DIPK1C: variants seen among roughly 807,000 people sequenced by gnomAD.
DIPK1C encodes the protein familial non-conventional Alzheimer's dementia.
Under a neutral mutation model 28.0 loss-of-function variants are expected in DIPK1C, and 33 were observed. The ratio of observed to expected loss-of-function variants is 1.18; its 90% CI spans 0.89 to 1.58. DIPK1C has a LOEUF of 1.58. Ranked by LOEUF, DIPK1C falls within the 40% of genes most tolerant of loss-of-function variation. The pLI, the probability that DIPK1C is intolerant of heterozygous loss-of-function variation, is 0.00. For synonymous variants in DIPK1C, 255 were observed against 248.8 expected, an observed-to-expected ratio of 1.02 and a Z score of -0.23; for missense variants, 569 against 568.5, an observed-to-expected ratio of 1.00 and a Z score of -0.01.
chr18:74,436,242 T>C lies in DIPK1C; in HGVS notation c.*259A>G, dbSNP rs1985987544. ...AATAAGTGCACACAGGTTGGTGTCTTCTGACCGAGAGCCCTCCTGAAGGGA... is the reference window on the plus strand; with the variant it reads ...AATAAGTGCACACAGGTTGGTGTCTCCTGACCGAGAGCCCTCCTGAAGGGA... On this transcript the variant is annotated 3_prime_UTR_variant, in exon 4 of 4. Coordinates refer to ENST00000343998, the MANE Select transcript of DIPK1C (RefSeq NM_001044369.3). 1.9e-6 allele frequency: 1 copy of C among 512,842 alleles called. No homozygotes were observed. The highest frequency in any genetic ancestry group is 3.4e-6 in the Non-Finnish European group (1 of 289,992). The allele number at this position is 512,842 out of a possible 1,614,324, so 31.8% of individuals were successfully genotyped here.
chr18:74,445,613 G>A (rs371736175), intron 2 of DIPK1C, among the ~76,000 whole-genome samples: 14 of 152,158 alleles, frequency 9.2e-5, no homozygotes, highest in South Asian at 6.2e-4. Flanking sequence ...CTTTTATGTT[G>A]CAACCATGCT....
chr18:74,454,758 G>A (rs1480528223), intron 1 of DIPK1C, among the ~76,000 whole-genome samples: 1 of 152,232 alleles, frequency 6.6e-6, no homozygotes, highest in African/African-American at 2.4e-5. Context: ...AGTTGGGATT[G>A]TGAAGATTGG....
intron 1 of DIPK1C, among the ~76,000 whole-genome samples, chr18:74,448,903 G>A (rs1986334395): frequency 6.6e-6 from 1 of 152,168 alleles, no homozygotes; most frequent in Admixed American, 6.5e-5. Flanking sequence ...GAGGCCAGGA[G>A]TTCAAGACCA....
upstream of DIPK1C, among the ~76,000 whole-genome samples, chr18:74,458,808 G>A (rs1349978266): frequency 6.6e-6 from 1 of 152,170 alleles, no homozygotes; most frequent in Non-Finnish European, 1.5e-5. Flanking sequence ...AGCATAGAAA[G>A]CATCCTAGTA....
chr18:74,441,649 C>T (rs890239985), intron 3 of DIPK1C, among the ~76,000 whole-genome samples: 2 of 152,102 alleles, frequency 1.3e-5, no homozygotes, highest in Admixed American at 1.3e-4. Flanking sequence ...AGTGTATGTG[C>T]CCATGTTTAT....
At chr18:74,441,862 T>A in intron 3 of DIPK1C, 90 bp downstream of exon 3, 1 of 1,406,320 alleles carries the variant, frequency 7.1e-7, no homozygotes, top group Non-Finnish European at 9.7e-7. Context: ...AAGGTCGACC[T>A]TGAGCTCCAC....
At chr18:74,448,746 A>T (rs570592825) in intron 1 of DIPK1C, among the ~76,000 whole-genome samples, 1 of 152,282 alleles carries the variant, frequency 6.6e-6, no homozygotes, top group East Asian at 1.9e-4. Context: ...AGCTTTACCC[A>T]TTCCAAGCAG....
chr18:74,460,952 T>C (rs1986606987), upstream of DIPK1C, among the ~76,000 whole-genome samples: 2 of 152,228 alleles, frequency 1.3e-5, no homozygotes, highest in Non-Finnish European at 1.5e-5. Context: ...TGTCCGTCAC[T>C]GTCTGTCCCT....
chr18:74,458,197 A>T (rs913359848), upstream of DIPK1C, among the ~76,000 whole-genome samples: 17 of 152,036 alleles, frequency 1.1e-4, no homozygotes, highest in Non-Finnish European at 1.3e-4. Context: ...TTTCCCCAGG[A>T]TAGGGGGAGG....
intron 1 of DIPK1C, among the ~76,000 whole-genome samples, chr18:74,453,797 C>T (rs183972933): frequency 1.3e-5 from 2 of 152,308 alleles, no homozygotes; most frequent in Non-Finnish European, 2.9e-5. Flanking sequence ...CCATATTCAC[C>T]GTGTGAAGCA....
intron 1 of DIPK1C, among the ~76,000 whole-genome samples, chr18:74,454,895 GA>G (rs1298946185): frequency 2.0e-5 from 3 of 152,120 alleles, no homozygotes; most frequent in Non-Finnish European, 2.9e-5. Flanking sequence ...GACAGGGGGA[GA>G]AAGAGTTCTG....
At chr18:74,452,416 T>G (rs746139646) in intron 1 of DIPK1C, among the ~76,000 whole-genome samples, 2 of 151,884 alleles carry the variant, frequency 1.3e-5, no homozygotes, top group African/African-American at 2.4e-5. Flanking sequence ...AAAAAAACAG[T>G]CAACTTAATG....
chr18:74,441,908 C>A (rs1262578607), intron 3 of DIPK1C, 44 bp downstream of exon 3: 1 of 1,591,782 alleles, frequency 6.3e-7, no homozygotes, highest in Non-Finnish European at 8.6e-7. Context: ...CAGAAACAGC[C>A]AAAGAGCACC....
chr18:74,448,219 A>G (rs1169696096), intron 1 of DIPK1C, among the ~76,000 whole-genome samples: 1 of 152,168 alleles, frequency 6.6e-6, no homozygotes, highest in Admixed American at 6.5e-5. Context: ...AATCTAAACC[A>G]TGGGACCACT....
chr18:74,462,290 C>T (rs1044879739), upstream of DIPK1C, among the ~76,000 whole-genome samples: 6 of 152,224 alleles, frequency 3.9e-5, no homozygotes, highest in Admixed American at 2.0e-4. Flanking sequence ...TAATCAGTCT[C>T]TACAGCTGGG....
chr18:74,461,408 C>CT (rs71901950), upstream of DIPK1C, among the ~76,000 whole-genome samples: 3,304 of 135,530 alleles, frequency 0.024, 54 homozygotes, highest in Non-Finnish European at 0.036. Flanking sequence ...TTCTCTTTCT[C>CT]TTTTTTTTTT....
In DIPK1C at chr18:74,436,694, T is replaced by A. The variant is rs778627012; in HGVS notation, c.1067A>T (p.His356Leu). The A allele has an allele frequency of 1.2e-6, 2 of 1,613,266 alleles. No homozygotes were observed. The highest frequency in any genetic ancestry group is 1.7e-6 in the Non-Finnish European group (2 of 1,179,722). The change falls in exon 4 of 4, where the codon CAT becomes CTT. Residue 356 changes from histidine to leucine, a missense_variant. His to Leu is a moderately conservative substitution (Grantham distance 99). Transcript: ENST00000343998. ...LQVICDKIFR[H>L]WFSAPLKSSA... is the part of the protein sequence containing the mutation. ...GCTCTTGAGAGGCGCGGAAAACCAA[T>A]GGCGAAATATTTTGTCACAGATGAC...
chr18:74,443,738 G>A (rs779708900), intron 2 of DIPK1C, among the ~76,000 whole-genome samples: 6 of 152,076 alleles, frequency 3.9e-5, no homozygotes, highest in African/African-American at 4.8e-5. Flanking sequence ...ACAAATAGCC[G>A]ATTTCATTAT....
rs925900981 is a variant in DIPK1C, at chr18:74,447,553, G to A, written c.199-270C>T. Among the ~76,000 whole-genome samples, 2 of 152,190 alleles carry A rather than the reference G, an allele frequency of 1.3e-5. No individual in the cohort carries two copies. The highest frequency in any genetic ancestry group is 2.9e-5 in the Non-Finnish European group (2 of 68,026). ...CAGGACACCTGCGGCCGGGAAGCAC[G>A]ACTTCCCATCGTTCAGCTGGGTGAC... On this transcript the variant is annotated intron_variant, in intron 1 of 3. Coordinates refer to ENST00000343998, the MANE Select transcript of DIPK1C (RefSeq NM_001044369.3). This position sits in a 1 kb window ranked among gnomAD's most constrained non-coding sequence, Gnocchi z 4.1.
Sources: gnomAD v4.1 joint callset for allele counts (sites outside exome capture counted in the v4.1 genomes callset) on GRCh38, gnomAD v4.1.1 for gene constraint, Gnocchi (gnomAD v3.1) non-coding constraint, MANE v1.5 for transcripts, NCBI Gene and HGNC (gene_info 2026-07-23, HGNC 2026-07-21) for gene names.